The following MYOZ2 variants were observed in gnomAD, a reference collection of about 807,000 sequenced individuals.
The protein encoded by MYOZ2 is myozenin 2.
A neutral mutation model predicts 25.4 loss-of-function variants in MYOZ2; 19 were observed. The observed-to-expected ratio is 0.75, with a 90% CI of 0.52 to 1.10. MYOZ2 has a LOEUF of 1.10. Among genes scored for constraint, MYOZ2 ranks in the 50% least tolerant of loss-of-function variants. The pLI, the probability that MYOZ2 is intolerant of heterozygous loss-of-function variation, is 0.00. For synonymous variants in MYOZ2, 92 were observed against 106.9 expected (o/e 0.86, Z 0.86); for missense variants, 270 against 317.9 (o/e 0.85, Z 1.15).
chr4:119,142,234 T>C (rs1003935435), intron 2 of MYOZ2, among the ~76,000 whole-genome samples: 25 of 152,336 alleles, frequency 1.6e-4, no homozygotes, highest in African/African-American at 4.8e-4. Flanking sequence ...TGGAAACAGA[T>C]ATGCAGTAGT....
At chr4:119,185,217 C>T (rs1256518719) in intron 5 of MYOZ2, among the ~76,000 whole-genome samples, 2 of 151,726 alleles carry the variant, frequency 1.3e-5, no homozygotes, top group Non-Finnish European at 2.9e-5. Context: ...GCTATATCAC[C>T]CACGCTGGTC....
intron 3 of MYOZ2, 24 bp downstream of exon 3, chr4:119,151,065 T>C (rs1287016852): frequency 6.3e-7 from 1 of 1,575,372 alleles, no homozygotes; most frequent in Non-Finnish European, 8.7e-7. Flanking sequence ...GAACAGGTAG[T>C]ATCCAAATGA....
chr4:119,186,022 T>G lies in MYOZ2; in HGVS notation c.617T>G (p.Val206Gly). ...EKASRMVKFK[V>G]PDFELLLLTD... ...GCATCAAGAATGGTTAAATTTAAAG[T>G]TCCAGATTTTGAGCTACTATTGCTA... Residue 206 changes from valine (V) to glycine (G), a missense_variant, in exon 6 of 6, where the codon GTT becomes GGT. Transcript: ENST00000307128. 6.2e-7 allele frequency: 1 copy of G among 1,614,022 alleles called. No individual in the cohort carries two copies. The highest frequency in any genetic ancestry group is 8.5e-7 in the Non-Finnish European group (1 of 1,179,996).
intron 3 of MYOZ2, among the ~76,000 whole-genome samples, chr4:119,152,840 T>C (rs1027581449): frequency 6.6e-6 from 1 of 152,182 alleles, no homozygotes; most frequent in Non-Finnish European, 1.5e-5. Flanking sequence ...TACTCTTCTT[T>C]CAAAATAAGG....
Position 119,150,852 on chromosome 4 carries a change from A to G in MYOZ2, c.77-20A>G. 2 of 1,610,910 alleles carry G rather than the reference A, an allele frequency of 1.2e-6. No individual in the cohort carries two copies. The highest frequency in any genetic ancestry group is 1.7e-6 in the Non-Finnish European group (2 of 1,177,172). On this transcript the variant is annotated intron_variant, in intron 2 of 5. Transcript: ENST00000307128. ...AATGCTTACCTTGGGATTTTTACTCATATGAATATTGTTTTACAGATGTTG... is the reference window on the plus strand; with the variant it reads ...AATGCTTACCTTGGGATTTTTACTCGTATGAATATTGTTTTACAGATGTTG...
At chr4:119,168,047 A>G (rs1741863371) in intron 5 of MYOZ2, among the ~76,000 whole-genome samples, 1 of 151,698 alleles carries the variant, frequency 6.6e-6, no homozygotes, top group Non-Finnish European at 1.5e-5. Flanking sequence ...ATCTCGGCTC[A>G]CTGCAAGCTC....
At position 119,150,893 on chromosome 4, in the gene MYOZ2, G is replaced by A. The variant is rs1232253185; in HGVS notation, c.98G>A (p.Gly33Asp). The A allele has an allele frequency of 1.2e-6, 2 of 1,613,850 alleles. No homozygotes were observed. The highest frequency in any genetic ancestry group is 2.2e-5 in the South Asian group (2 of 91,066). The change falls in exon 3 of 6, where the codon GGC becomes GAC. Residue 33 changes from glycine (G) to aspartate (D), a missense_variant. Gly to Asp is a moderately conservative substitution (Grantham distance 94). Coordinates refer to ENST00000307128, the MANE Select transcript of MYOZ2 (RefSeq NM_016599.5). ...HGNDVDGMDL[G>D]KKVSIPRDIM... The stretch of plus-strand genomic sequence containing the variant: ...ACAGATGTTGATGGCATGGACCTGG[G>A]CAAAAAGGTCAGCATCCCCAGAGAC...
chr4:119,135,880 G>A lies in MYOZ2; in HGVS notation c.-117G>A, dbSNP rs1176122953. 6.4e-6 allele frequency: 1 copy of A among 156,780 alleles called. No individual in the cohort carries two copies. The highest frequency in any genetic ancestry group is 2.4e-5 in the African/African-American group (1 of 41,452). The allele number at this position is 156,780 out of a possible 1,614,324, so 9.7% of individuals were successfully genotyped here. ...GGGACCATGCTGTCCCAGGTTCAAGGATAAAAACCATCAGGCCCAAGTGCC... is the reference window on the plus strand; with the variant it reads ...GGGACCATGCTGTCCCAGGTTCAAGAATAAAAACCATCAGGCCCAAGTGCC... On this transcript the variant is annotated 5_prime_UTR_variant, in exon 1 of 6. Coordinates refer to ENST00000307128, the MANE Select transcript of MYOZ2 (RefSeq NM_016599.5).
chr4:119,136,568 G>A lies in MYOZ2; in HGVS notation c.43G>A (p.Ala15Thr). Residue 15 changes from alanine (A) to threonine (T), a missense_variant, in exon 2 of 6, where the codon GCA (alanine) becomes ACA (threonine). Transcript: ENST00000307128. ...NTMMKQRKQQ[A>T]TAIMKEVHGN... ...TATGATGAAGCAGAGAAAACAGCAA[G>A]CAACAGCCATCATGAAGGAAGTCCA... 2.5e-6 allele frequency: 4 copies of A among 1,613,538 alleles called. 1 individual carries two copies. In the South Asian group the frequency reaches 3.3e-5, roughly 13 times the overall value.
chr4:119,164,158 G>T (rs534363921), intron 4 of MYOZ2, 53 bp from the exon 5 acceptor site: 32 of 1,510,932 alleles, frequency 2.1e-5, no homozygotes, highest in Admixed American at 6.7e-5. Context: ...TTAGGTGGAG[G>T]TTAGTAACTC....
intron 2 of MYOZ2, among the ~76,000 whole-genome samples, chr4:119,140,342 A>C (rs1561100571): frequency 6.6e-6 from 1 of 152,228 alleles, no homozygotes; most frequent in Admixed American, 6.5e-5. Flanking sequence ...CTTCAAAATC[A>C]AAATGAAGAT....
At chr4:119,183,297 G>A (rs1299993796) in intron 5 of MYOZ2, among the ~76,000 whole-genome samples, 2 of 152,120 alleles carry the variant, frequency 1.3e-5, no homozygotes, top group African/African-American at 2.4e-5. Flanking sequence ...AAACTTCGGA[G>A]TGGAAAGCTT....
At chr4:119,157,039 A>G (rs1741590712) in intron 3 of MYOZ2, among the ~76,000 whole-genome samples, 1 of 152,216 alleles carries the variant, frequency 6.6e-6, no homozygotes, top group African/African-American at 2.4e-5. Context: ...AAGTTAAATA[A>G]GTGTTAAAAT....
At chr4:119,166,525 T>G (rs1198412627) in intron 5 of MYOZ2, among the ~76,000 whole-genome samples, 1 of 150,754 alleles carries the variant, frequency 6.6e-6, no homozygotes, top group Non-Finnish European at 1.5e-5. Context: ...AAAAAAAAAG[T>G]ATATGCACAG....
At chr4:119,141,503 C>T (rs562735719) in intron 2 of MYOZ2, among the ~76,000 whole-genome samples, 8 of 152,288 alleles carry the variant, frequency 5.3e-5, no homozygotes, top group African/African-American at 1.9e-4. Flanking sequence ...CTGCCTCAGC[C>T]TCCCGAGTAG....
intron 4 of MYOZ2, among the ~76,000 whole-genome samples, chr4:119,161,635 A>T (rs189966354): frequency 1.3e-3 from 192 of 152,272 alleles, no homozygotes; most frequent in Admixed American, 2.7e-3. Context: ...AAAAGAAAAA[A>T]GTTGTTATTT....
At chr4:119,175,510 C>T (rs903800829) in intron 5 of MYOZ2, among the ~76,000 whole-genome samples, 2 of 152,116 alleles carry the variant, frequency 1.3e-5, no homozygotes, top group African/African-American at 2.4e-5. Context: ...CCTATAATCC[C>T]AGCACTTTGG....
At chr4:119,137,727 TAAAATGAGAATAATTCTGAGTCAGATA>T (rs1741064081) in intron 2 of MYOZ2, among the ~76,000 whole-genome samples, 6 of 152,306 alleles carry the variant, frequency 3.9e-5, no homozygotes, top group Middle Eastern at 6.8e-3. Flanking sequence ...TAGCTTGGAA[TAAAATGAGAATAATTCTGAGTCAGATA>T]CCAGAACTGA....
chr4:119,185,157 T>G (rs1478106313), intron 5 of MYOZ2, among the ~76,000 whole-genome samples: 1 of 149,564 alleles, frequency 6.7e-6, no homozygotes, highest in Non-Finnish European at 1.5e-5. Context: ...TTTCGTTTCC[T>G]TTCCCTTCTC....
Sources: gnomAD v4.1 joint callset for allele counts (sites outside exome capture counted in the v4.1 genomes callset) on GRCh38, gnomAD v4.1.1 for gene constraint, MANE v1.5 for transcripts, NCBI Gene and HGNC (gene_info 2026-07-23, HGNC 2026-07-21) for gene names.